Variants in POLR2F observed in about 807,000 individuals in gnomAD.
POLR2F encodes the protein DNA-directed RNA polymerases I, II, and III subunit RPABC2.
Under a neutral mutation model 22.7 loss-of-function variants are expected in POLR2F, and 12 were observed. That is an observed-to-expected ratio of 0.53 (90% CI 0.34 to 0.86). The LOEUF is 0.86. Ranked by LOEUF, POLR2F falls within the 40% of genes least tolerant of loss-of-function variation. The pLI is 0.02. For missense variants in POLR2F, 126 were observed against 171.5 expected, an observed-to-expected ratio of 0.73 and a Z score of 1.48; for synonymous variants, 57 against 66.0, an observed-to-expected ratio of 0.86 and a Z score of 0.66.
chr22:37,955,584 A>G (rs1215462387), intron 1 of POLR2F, among the ~76,000 whole-genome samples: 2 of 152,158 alleles, frequency 1.3e-5, no homozygotes, highest in East Asian at 3.9e-4. Flanking sequence ...AGAGAGGGAA[A>G]CAGTGATGAT....
At chr22:38,013,730 T>G (rs2084891771) in intron 1 of POLR2F, among the ~76,000 whole-genome samples, 2 of 152,340 alleles carry the variant, frequency 1.3e-5, no homozygotes, top group South Asian at 4.1e-4. Flanking sequence ...TAATACAAAT[T>G]TATCCCCAAG....
intron 1 of POLR2F, among the ~76,000 whole-genome samples, chr22:37,992,010 T>G (rs950558801): frequency 4.6e-5 from 7 of 152,160 alleles, no homozygotes; most frequent in African/African-American, 1.4e-4. Flanking sequence ...CGCTCCTGAG[T>G]TAAGACAGTC....
In POLR2F at chr22:37,986,905, G is replaced by A. The variant is rs1442483877; in HGVS notation, c.120+593G>A. 2.2e-6 allele frequency: 1 copy of A among 451,616 alleles called. No homozygotes were observed. The highest frequency in any genetic ancestry group is 7.0e-5 in the East Asian group (1 of 14,266). 28.0% of individuals were successfully genotyped at this position (451,616 alleles called of 1,614,324 possible). ...AAGAGCAGGGAGCTTGGAGAGGGGA[G>A]GGATCCTGGCTGAAGACACCTGGGC... is the stretch of plus-strand genomic sequence containing the variant. On this transcript the variant is annotated intron_variant, in intron 1 of 2. Transcript: ENST00000333418. This position sits in a 1 kb window ranked among gnomAD's most constrained non-coding sequence, Gnocchi z 4.7.
rs994118394 is a variant in POLR2F, at chr22:37,980,202, G to A, written c.293+13032G>A. On this transcript the variant is annotated intron_variant, in intron 4 of 4. Transcript: ENST00000405557. This position sits in a 1 kb window ranked among gnomAD's most constrained non-coding sequence, Gnocchi z 4.1. Reference sequence around the variant, plus strand: ...GTGGGATGTGGGCACCCTCTCTGACGGCTGGGACCAGGGGAGGGGGTGGAG... The same window carrying A: ...GTGGGATGTGGGCACCCTCTCTGACAGCTGGGACCAGGGGAGGGGGTGGAG... 1.3e-5 allele frequency among the ~76,000 whole-genome samples: 2 copies of A among 152,134 alleles called. No homozygotes were observed. The highest frequency in any genetic ancestry group is 2.4e-5 in the African/African-American group (1 of 41,422).
intron 5 of POLR2F, chr22:38,040,784 G>A (rs182824764): frequency 5.7e-4 from 277 of 486,868 alleles, no homozygotes; most frequent in Admixed American, 1.9e-3. Context: ...CTGCCTGGTG[G>A]GCATGTTGTG....
chr22:38,003,163 G>T (rs971633861), intron 1 of POLR2F, among the ~76,000 whole-genome samples: 3 of 152,230 alleles, frequency 2.0e-5, no homozygotes, highest in African/African-American at 7.2e-5. Context: ...CAGGGGAGGG[G>T]TTAGGGTAAC....
chr22:37,967,227 C>T (rs1160119462), intron 4 of POLR2F, 57 bp downstream of exon 4: 2 of 1,600,492 alleles, frequency 1.2e-6, no homozygotes, highest in Admixed American at 1.7e-5. Context: ...ATCTGTTGGG[C>T]TCTCTGTTGC....
chr22:37,992,791 GC>G (rs1420830555), intron 1 of POLR2F, among the ~76,000 whole-genome samples: 1 of 152,236 alleles, frequency 6.6e-6, no homozygotes, highest in Non-Finnish European at 1.5e-5. Flanking sequence ...CACAGAGGCT[GC>G]AGAGCCAGGG....
chr22:38,017,663 G>A lies in POLR2F; in HGVS notation c.121-8206G>A, dbSNP rs2084926514. ...AGGGCTGGAGGGGCCCTCTGAGGCT[G>A]TGGCCTCTCCCTGCAACTTCCTGTA... On this transcript the variant is annotated intron_variant, in intron 1 of 2. Transcript: ENST00000333418. This position sits in a 1 kb window ranked among gnomAD's most constrained non-coding sequence, Gnocchi z 4.1. Among the ~76,000 whole-genome samples, 1 of 152,192 alleles carries A rather than the reference G, an allele frequency of 6.6e-6. No homozygotes were observed. The highest frequency in any genetic ancestry group is 1.5e-5 in the Non-Finnish European group (1 of 68,030).
chr22:38,004,709 C>T (rs1052054838), intron 1 of POLR2F, among the ~76,000 whole-genome samples: 2 of 152,164 alleles, frequency 1.3e-5, no homozygotes, highest in Non-Finnish European at 2.9e-5. Flanking sequence ...CTTTGGGGGG[C>T]CAAGTCGGGC....
rs562224678 is a variant in POLR2F at position 38,024,996 on chromosome 22, A to G, written c.121-873A>G. Among the ~76,000 whole-genome samples, 8 of 152,148 alleles carry G rather than the reference A, an allele frequency of 5.3e-5. No individual in the cohort carries two copies. In the South Asian group the frequency reaches 1.7e-3, roughly 32 times the overall value. On this transcript the variant is annotated intron_variant, in intron 1 of 2. Coordinates refer to the POLR2F transcript ENST00000333418. ...TTGCACCAGGGATGCCTGGAATGTC[A>G]GGGAAGCCAGGTGGAGCCAAGGCCT...
intron 1 of POLR2F, among the ~76,000 whole-genome samples, chr22:37,956,135 G>C (rs1931389583): frequency 1.3e-5 from 2 of 151,856 alleles, no homozygotes; most frequent in African/African-American, 4.8e-5. Context: ...TGTTGCCCAG[G>C]CTGGAGTGCA....
rs760777913 is a variant in POLR2F at position 37,967,190 on chromosome 22, G to A, written c.293+20G>A. 7.5e-6 allele frequency: 12 copies of A among 1,610,452 alleles called. No individual in the cohort carries two copies. Among genetic ancestry groups the A allele is most frequent in the Admixed American group, 1.7e-5 (1 of 60,002 alleles). On this transcript the variant is annotated intron_variant, in intron 4 of 4. Transcript: ENST00000442738. ...ACTCAAGTAAGTCACTCAAATCATGGTTCACTTCTCCAAATCTCTGGGAGG... is the reference window on the plus strand; with the variant it reads ...ACTCAAGTAAGTCACTCAAATCATGATTCACTTCTCCAAATCTCTGGGAGG...
chr22:38,030,389 C>T (rs1178785889), downstream of POLR2F, among the ~76,000 whole-genome samples: 1 of 152,166 alleles, frequency 6.6e-6, no homozygotes, highest in Non-Finnish European at 1.5e-5. Context: ...AAAGTCCCAT[C>T]AGGGCAGGCT....
intron 5 of POLR2F, among the ~76,000 whole-genome samples, chr22:38,036,017 G>A (rs754204044): frequency 2.7e-5 from 4 of 147,600 alleles, no homozygotes; most frequent in African/African-American, 2.5e-5. Flanking sequence ...GATCTGTTGC[G>A]CAGGCTGGAG....
intron 1 of POLR2F, among the ~76,000 whole-genome samples, chr22:37,991,183 G>A (rs571887543): frequency 2.6e-4 from 34 of 128,620 alleles, no homozygotes; most frequent in East Asian, 7.2e-4. Context: ...GTGCAGTGGC[G>A]TGATCTGGGC....
Position 38,003,313 on chromosome 22 carries a change from G to A in POLR2F, c.120+17001G>A, listed in dbSNP as rs189396070. 7.9e-5 allele frequency among the ~76,000 whole-genome samples: 12 copies of A among 152,106 alleles called. 1 individual carries two copies. Among genetic ancestry groups the A allele is most frequent in the African/African-American group, 2.9e-4 (12 of 41,492 alleles). ...GTGATCTCGGCTCACCACAACCTCCGCCTCCCGGGTTCGAGCGATTCTCCC... is the reference window on the plus strand; with the variant it reads ...GTGATCTCGGCTCACCACAACCTCCACCTCCCGGGTTCGAGCGATTCTCCC... On this transcript the variant is annotated intron_variant, in intron 1 of 2. Coordinates refer to the POLR2F transcript ENST00000333418.
intron 3 of POLR2F, among the ~76,000 whole-genome samples, chr22:37,964,448 A>C (rs1044958324): frequency 1.3e-5 from 2 of 152,208 alleles, no homozygotes; most frequent in Non-Finnish European, 2.9e-5. Context: ...TGTGAGTGAC[A>C]GGTTCAGAAG....
Position 37,986,311 on chromosome 22 carries a change from C to T in POLR2F, c.121C>T (p.Arg41Trp), listed in dbSNP as rs538080843. The T allele has an allele frequency of 1.3e-4, 201 of 1,536,354 alleles. 5 individuals carry two copies. In the South Asian group the frequency reaches 2.2e-3, roughly 17 times the overall value. ...CTGCCTGCCTGGCATCTCTCTCTCC[C>T]GGTGGGTCCCCACTCATCCTTCCAC... The change falls in exon 1 of 3, where the codon CGG becomes TGG. Residue 41 changes from arginine to tryptophan, a missense_variant and splice_region_variant. By Grantham distance (101) the Arg-to-Trp change is moderately radical (BLOSUM62 -3). Coordinates refer to the POLR2F transcript ENST00000333418. This position sits in a 1 kb window ranked among gnomAD's most constrained non-coding sequence, Gnocchi z 4.7.
Sources: allele counts gnomAD v4.1 joint callset (sites outside exome capture counted in the v4.1 genomes callset), GRCh38; gene constraint gnomAD v4.1.1; non-coding constraint Gnocchi (gnomAD v3.1); transcripts MANE v1.5; gene names NCBI Gene and HGNC (gene_info 2026-07-23, HGNC 2026-07-21).